DOCK1: variants seen among roughly 807,000 people sequenced by gnomAD.
The protein encoded by DOCK1 is dedicator of cytokinesis protein 1.
In DOCK1, 138 loss-of-function variants were observed where a neutral mutation model predicts 262.7. The observed-to-expected ratio is 0.53, with a 90% CI of 0.46 to 0.61. DOCK1 has a LOEUF of 0.61. Among genes scored for constraint, DOCK1 ranks in the 20% least tolerant of loss-of-function variants. The pLI is 0.00. For missense variants in DOCK1, 1,908 were observed against 2,370.7 expected (o/e 0.80, Z 4.05); for synonymous variants, 866 against 867.4 (o/e 1.00, Z 0.03).
chr10:127,152,018 TA>T, intron 27 of DOCK1, among the ~76,000 whole-genome samples: 2 of 152,126 alleles, frequency 1.3e-5, no homozygotes, highest in African/African-American at 2.4e-5. Flanking sequence ...CACATATATA[TA>T]TATATTTTTT....
chr10:126,948,672 T>G (rs2035853849), intron 1 of DOCK1, among the ~76,000 whole-genome samples: 1 of 151,954 alleles, frequency 6.6e-6, no homozygotes, highest in Non-Finnish European at 1.5e-5. Flanking sequence ...CCAGAGGCAC[T>G]GCTTCCCAGG....
In DOCK1 at chr10:126,995,013, G is replaced by A. The variant is rs1307093287; in HGVS notation, c.474-1735G>A. ...CTCACCTCCCAGACGGGGTGGCGGCGGGGCAGAGACACTCCTCAGTTCCCA... is the reference window on the plus strand; with the variant it reads ...CTCACCTCCCAGACGGGGTGGCGGCAGGGCAGAGACACTCCTCAGTTCCCA... On this transcript the variant is annotated intron_variant, in intron 6 of 51. Coordinates refer to ENST00000623213, the MANE Select transcript of DOCK1 (RefSeq NM_001290223.2). The surrounding 1 kb of genome is among the most constrained non-coding windows in gnomAD (Gnocchi z 5.8). Among the ~76,000 whole-genome samples the A allele has an allele frequency of 8.7e-5, 13 of 149,362 alleles. No homozygotes were observed. The highest frequency in any genetic ancestry group is 7.6e-3 in the Middle Eastern group (2 of 262).
chr10:127,036,231 A>C (rs1039485135), intron 18 of DOCK1, among the ~76,000 whole-genome samples: 14 of 152,144 alleles, frequency 9.2e-5, no homozygotes, highest in Non-Finnish European at 5.9e-5. Context: ...TTACCTCCCC[A>C]GGCCAAGTGG....
chr10:127,073,293 T>C (rs953923355), intron 23 of DOCK1, among the ~76,000 whole-genome samples: 1 of 152,210 alleles, frequency 6.6e-6, no homozygotes, highest in African/African-American at 2.4e-5. Context: ...TTGTGGCTAT[T>C]GACCAACTGA....
chr10:126,922,754 A>G (rs1370654253), intron 1 of DOCK1, among the ~76,000 whole-genome samples: 1 of 152,296 alleles, frequency 6.6e-6, no homozygotes, highest in South Asian at 2.1e-4. Context: ...AATATTACAC[A>G]CTACTAAATT....
chr10:127,202,899 A>C (rs1220605089), intron 27 of DOCK1, among the ~76,000 whole-genome samples: 4 of 152,164 alleles, frequency 2.6e-5, no homozygotes, highest in Non-Finnish European at 4.4e-5. Context: ...ATTCTGACCA[A>C]AAATGCCAAC....
chr10:127,047,117 TA>T (rs1353899444), intron 21 of DOCK1, among the ~76,000 whole-genome samples: 2 of 152,166 alleles, frequency 1.3e-5, no homozygotes, highest in Non-Finnish European at 2.9e-5. Flanking sequence ...CTCAGTACAT[TA>T]AAAAATGACC....
At chr10:127,077,912 T>G (rs1591931615) in intron 23 of DOCK1, among the ~76,000 whole-genome samples, 1 of 149,654 alleles carries the variant, frequency 6.7e-6, no homozygotes, top group African/African-American at 2.5e-5. Flanking sequence ...GGCAGGAGGG[T>G]ATGGATGGGA....
At chr10:126,947,346 A>ATGG (rs2035524137) in intron 1 of DOCK1, among the ~76,000 whole-genome samples, 5 of 63,368 alleles carry the variant, frequency 7.9e-5, no homozygotes, top group African/African-American at 1.2e-4. Context: ...ACTGTTGGTG[A>ATGG]TGGTGGTGGT....
chr10:127,052,262 C>T (rs542396667), intron 21 of DOCK1, among the ~76,000 whole-genome samples: 3 of 152,312 alleles, frequency 2.0e-5, no homozygotes, highest in South Asian at 2.1e-4. Flanking sequence ...CAGTGGCTTA[C>T]GCCTATGATC....
chr10:127,361,949 C>A, intron 32 of DOCK1, 115 bp from the exon 33 acceptor site: 1 of 1,206,300 alleles, frequency 8.3e-7, no homozygotes, highest in African/African-American at 1.5e-5. Context: ...TGCACATTTT[C>A]GGGATCCTGC....
intron 23 of DOCK1, among the ~76,000 whole-genome samples, chr10:127,064,582 G>A (rs117213072): frequency 0.013 from 1,926 of 152,278 alleles, 25 homozygotes; most frequent in Non-Finnish European, 0.022. Context: ...TCCACTGAGT[G>A]TGTGGATGCT....
Position 127,417,985 on chromosome 10 carries a change from C to G in DOCK1, c.4516-380C>G, listed in dbSNP as rs145775558. ...GTGCAGGCTGCCCGGGCTTAGATTC[C>G]TCAAAATTCCCGAACATCTTCTCCC... On this transcript the variant is annotated intron_variant, in intron 44 of 51. Transcript: ENST00000623213. Among the ~76,000 whole-genome samples the G allele has an allele frequency of 3.9e-3, 597 of 151,776 alleles. 4 individuals carry two copies. The highest frequency in any genetic ancestry group is 0.014 in the African/African-American group (571 of 41,386).
At chr10:127,241,335 A>C (rs574895113) in intron 27 of DOCK1, among the ~76,000 whole-genome samples, 1 of 152,172 alleles carries the variant, frequency 6.6e-6, no homozygotes, top group African/African-American at 2.4e-5. Context: ...AATAACAATA[A>C]TAATTATTAT....
At chr10:127,032,053 G>A (rs938531852) in intron 17 of DOCK1, 84 bp from the exon 18 acceptor site, 1 of 1,473,942 alleles carries the variant, frequency 6.8e-7, no homozygotes, top group African/African-American at 1.4e-5. Context: ...ATGGTTACAA[G>A]GATTAGGGAT....
chr10:127,231,420 T>C (rs150535505), intron 27 of DOCK1, among the ~76,000 whole-genome samples: 1 of 152,240 alleles, frequency 6.6e-6, no homozygotes, highest in East Asian at 1.9e-4. Context: ...CTTTTTCTTA[T>C]TCTTTTTTTT....
In DOCK1 at chr10:127,318,440, C is replaced by A. The variant is rs887666247; in HGVS notation, c.3045-20566C>A. 1.3e-4 allele frequency among the ~76,000 whole-genome samples: 20 copies of A among 152,140 alleles called. No homozygotes were observed. The East Asian group carries it at 3.9e-3, about 29-fold the overall frequency. ...GGGCTGGGATGGCTGGGAGCTGTGACATTGGAAGGACTTAACCATGTGTGC... is the reference window on the plus strand; with the variant it reads ...GGGCTGGGATGGCTGGGAGCTGTGAAATTGGAAGGACTTAACCATGTGTGC... On this transcript the variant is annotated intron_variant, in intron 29 of 51. Coordinates refer to ENST00000623213, the MANE Select transcript of DOCK1 (RefSeq NM_001290223.2).
At chr10:127,137,058 A>T (rs966810948) in intron 27 of DOCK1, 7 of 152,658 alleles carry the variant, frequency 4.6e-5, no homozygotes, top group African/African-American at 1.7e-4. Flanking sequence ...TAAAAATGAG[A>T]TCTAAGAAAA....
chr10:127,106,409 C>A, intron 24 of DOCK1, 108 bp downstream of exon 24: 1 of 1,165,918 alleles, frequency 8.6e-7, no homozygotes, highest in Non-Finnish European at 1.2e-6. Context: ...CTCCATATGT[C>A]AGTGCCCTGG....
Sources: gnomAD v4.1 joint callset for allele counts (sites outside exome capture counted in the v4.1 genomes callset) on GRCh38, gnomAD v4.1.1 for gene constraint, Gnocchi (gnomAD v3.1) non-coding constraint, MANE v1.5 for transcripts, NCBI Gene and HGNC (gene_info 2026-07-23, HGNC 2026-07-21) for gene names.